DDX4: variants seen among roughly 807,000 people sequenced by gnomAD.
DDX4 encodes the protein probable ATP-dependent RNA helicase DDX4.
DDX4 carries 25 observed loss-of-function variants against 100.0 expected under a neutral mutation model. The ratio of observed to expected loss-of-function variants is 0.25; its 90% CI spans 0.18 to 0.35. The LOEUF is 0.35. DDX4 is among the 10% of genes least tolerant of loss of function. The probability of loss-of-function intolerance (pLI) is 1.00; values close to 1 mark genes in which losing one functional copy is unlikely to be tolerated. For missense variants in DDX4, 635 were observed against 882.4 expected (o/e 0.72, Z 3.55); for synonymous variants, 259 against 275.7 (o/e 0.94, Z 0.60).
intron 2 of DDX4, among the ~76,000 whole-genome samples, chr5:55,740,964 A>G (rs1758945878): frequency 6.6e-6 from 1 of 152,158 alleles, no homozygotes; most frequent in African/African-American, 2.4e-5. Flanking sequence ...TTAATTTGGT[A>G]ATTTTTTTCA....
At chr5:55,741,409 T>C (rs1758975142) in intron 2 of DDX4, among the ~76,000 whole-genome samples, 1 of 152,244 alleles carries the variant, frequency 6.6e-6, no homozygotes, top group Non-Finnish European at 1.5e-5. Flanking sequence ...GGTGTTGTGC[T>C]GGTTGTGCCA....
At chr5:55,797,018 AT>A (rs2112094913) in intron 17 of DDX4, among the ~76,000 whole-genome samples, 1 of 150,372 alleles carries the variant, frequency 6.7e-6, no homozygotes, top group East Asian at 1.9e-4. Flanking sequence ...CTAATTTTTT[AT>A]TTTTTGTAGA....
intron 9 of DDX4, 140 bp downstream of exon 9, chr5:55,781,286 T>C: frequency 1.7e-6 from 1 of 581,946 alleles, no homozygotes; most frequent in East Asian, 3.1e-5. Flanking sequence ...GGTAAAAATA[T>C]GTGGACAATT....
At chr5:55,804,555 C>T (rs1476764221) in intron 18 of DDX4, among the ~76,000 whole-genome samples, 1 of 152,122 alleles carries the variant, frequency 6.6e-6, no homozygotes, top group South Asian at 2.1e-4. Context: ...AGCCAGTTTT[C>T]CCAGCACCAT....
chr5:55,779,995 A>G lies in DDX4; in HGVS notation c.426A>G (p.Ser142=). ...GYRDGNNSEA[S]GPYRRGGRGS... ...GAGATGGAAATAATTCAGAAGCTTC[A>G]GGGCCATACAGAAGAGGTGGAAGAG... is the stretch of plus-strand genomic sequence containing the variant. The change falls in exon 8 of 22, where the codon TCA becomes TCG. Residue 142 remains serine, a synonymous_variant. Transcript: ENST00000505374. 4 of 1,613,930 alleles carry G rather than the reference A, an allele frequency of 2.5e-6. No homozygotes were observed. Among genetic ancestry groups the G allele is most frequent in the South Asian group, 1.1e-5 (1 of 91,044 alleles).
At chr5:55,780,691 G>A (rs561899341) in intron 8 of DDX4, among the ~76,000 whole-genome samples, 1 of 152,326 alleles carries the variant, frequency 6.6e-6, no homozygotes, top group Admixed American at 6.5e-5. Flanking sequence ...TGAAGAATAA[G>A]TAGTGAAATG....
At chr5:55,798,208 C>G (rs1484657322) in intron 17 of DDX4, among the ~76,000 whole-genome samples, 1 of 152,030 alleles carries the variant, frequency 6.6e-6, no homozygotes, top group African/African-American at 2.4e-5. Flanking sequence ...CATACTTTGA[C>G]AAACTTTTTT....
intron 8 of DDX4, among the ~76,000 whole-genome samples, chr5:55,780,375 T>A (rs981893921): frequency 6.6e-6 from 1 of 152,206 alleles, no homozygotes; most frequent in Non-Finnish European, 1.5e-5. Flanking sequence ...ACCTTCTATG[T>A]GGCTTTACCT....
At chr5:55,759,191 C>A (rs576981432) in intron 3 of DDX4, among the ~76,000 whole-genome samples, 2 of 152,018 alleles carry the variant, frequency 1.3e-5, no homozygotes, top group African/African-American at 4.8e-5. Flanking sequence ...TTCTTTATTT[C>A]CTTTACTTTT....
At chr5:55,790,381 G>A (rs1020767973) in intron 15 of DDX4, among the ~76,000 whole-genome samples, 195 bp from the exon 16 acceptor site, 5 of 152,046 alleles carry the variant, frequency 3.3e-5, no homozygotes. Flanking sequence ...CCTGACCTCA[G>A]GTGATTTGCC....
intron 18 of DDX4, among the ~76,000 whole-genome samples, chr5:55,805,249 T>A (rs1424603115): frequency 1.3e-5 from 2 of 152,162 alleles, no homozygotes; most frequent in Non-Finnish European, 1.5e-5. Flanking sequence ...TTTCTAGATA[T>A]ACAGTCATGT....
chr5:55,780,978 T>TA, intron 8 of DDX4, 88 bp from the exon 9 acceptor site: 1 of 1,161,710 alleles, frequency 8.6e-7, no homozygotes, highest in Non-Finnish European at 1.2e-6. Flanking sequence ...TAACTTCTGA[T>TA]ACCATAACTT....
chr5:55,796,349 T>TC (rs1180118356), intron 17 of DDX4, among the ~76,000 whole-genome samples: 6 of 152,156 alleles, frequency 3.9e-5, no homozygotes, highest in African/African-American at 1.2e-4. Context: ...ACGGTAGTAA[T>TC]CTCTAAAATA....
intron 3 of DDX4, among the ~76,000 whole-genome samples, chr5:55,754,567 C>G (rs1209226998): frequency 6.7e-6 from 1 of 149,770 alleles, no homozygotes; most frequent in Admixed American, 6.7e-5. Flanking sequence ...CTGCTGGATT[C>G]GGTTTGCCAG....
chr5:55,739,037 T>C lies in DDX4; in HGVS notation c.69+5T>C. The C allele has an allele frequency of 6.5e-7, 1 of 1,546,532 alleles. No individual in the cohort carries two copies. Among genetic ancestry groups the C allele is most frequent in the Non-Finnish European group, 8.9e-7 (1 of 1,122,522 alleles). On this transcript the variant is annotated splice_donor_5th_base_variant and intron_variant, in intron 2 of 21. Coordinates refer to ENST00000505374, the MANE Select transcript of DDX4 (RefSeq NM_024415.3). Reference sequence around the variant, plus strand: ...TATGTTCCCATATTTGAGAAGGTAATAACATTTAAAGTTTAGTTATTAAAT... The same window carrying C: ...TATGTTCCCATATTTGAGAAGGTAACAACATTTAAAGTTTAGTTATTAAAT...
chr5:55,767,251 G>T (rs1431071316), intron 6 of DDX4, among the ~76,000 whole-genome samples: 2 of 152,146 alleles, frequency 1.3e-5, no homozygotes, highest in Admixed American at 1.3e-4. Flanking sequence ...GACCAGCCTG[G>T]CCAACATGGC....
At chr5:55,795,172 T>C (rs1220898176) in intron 17 of DDX4, among the ~76,000 whole-genome samples, 4 of 151,862 alleles carry the variant, frequency 2.6e-5, no homozygotes, top group Non-Finnish European at 2.9e-5. Context: ...TCCATGCTGG[T>C]CAGGCTGGTC....
intron 18 of DDX4, among the ~76,000 whole-genome samples, chr5:55,801,407 T>A (rs1743295557): frequency 6.6e-6 from 1 of 152,180 alleles, no homozygotes; most frequent in Non-Finnish European, 1.5e-5. Flanking sequence ...GTAAAACTGG[T>A]CATTATTCAA....
chr5:55,801,215 G>GTTT (rs760157665), intron 18 of DDX4, among the ~76,000 whole-genome samples: 109 of 103,504 alleles, frequency 1.1e-3, no homozygotes, highest in African/African-American at 3.3e-3. Flanking sequence ...ATGATGGGGT[G>GTTT]TTTTTTTTTT....
Sources: gnomAD v4.1 joint callset for allele counts (sites outside exome capture counted in the v4.1 genomes callset) on GRCh38, gnomAD v4.1.1 for gene constraint, MANE v1.5 for transcripts, NCBI Gene and HGNC (gene_info 2026-07-23, HGNC 2026-07-21) for gene names.